NRAS: variants seen among roughly 807,000 people sequenced by gnomAD.
NRAS encodes the protein GTPase NRas.
A neutral mutation model predicts 21.3 loss-of-function variants in NRAS; 6 were observed. That is an observed-to-expected ratio of 0.28 (90% CI 0.15 to 0.56). NRAS has a LOEUF of 0.56. Among genes scored for constraint, NRAS ranks in the 20% least tolerant of loss-of-function variants. NRAS has a pLI of 0.93. For synonymous variants in NRAS, 84 were observed against 82.0 expected (o/e 1.02, Z -0.13); for missense variants, 143 against 231.3 (o/e 0.62, Z 2.48).
At chr1:114,711,917 C>T (rs1479910848) in intron 3 of NRAS, among the ~76,000 whole-genome samples, 1 of 152,174 alleles carries the variant, frequency 6.6e-6, no homozygotes, top group Non-Finnish European at 1.5e-5. Flanking sequence ...AGTCAAGGAA[C>T]TAATTTTTAA....
intron 3 of NRAS, among the ~76,000 whole-genome samples, chr1:114,713,598 C>A (rs1351018609): frequency 1.3e-5 from 2 of 152,190 alleles, no homozygotes; most frequent in Middle Eastern, 3.2e-3. Flanking sequence ...TATTATCAAA[C>A]TTTATAGTAA....
intron 3 of NRAS, among the ~76,000 whole-genome samples, chr1:114,710,553 GAGAA>G (rs1332249096): frequency 1.3e-5 from 2 of 151,552 alleles, no homozygotes; most frequent in African/African-American, 4.8e-5. Flanking sequence ...AAAAGAAAAA[GAGAA>G]AGAAAGTGAG....
intron 1 of NRAS, 145 bp from the exon 2 acceptor site, chr1:114,716,322 A>G: frequency 1.5e-6 from 1 of 688,958 alleles, no homozygotes; most frequent in South Asian, 1.5e-5. Context: ...CACCGGATTA[A>G]TATCGGCCTC....
rs9724626 is a variant in NRAS, at chr1:114,713,986, T to C, written c.112-8A>G. 3.9e-4 allele frequency: 529 copies of C among 1,340,490 alleles called. No homozygotes were observed. Among genetic ancestry groups the C allele is most frequent in the Non-Finnish European group, 5.1e-4 (499 of 977,102 alleles). The allele number at this position is 1,340,490 out of a possible 1,614,324, so 83.0% of individuals were successfully genotyped here. ...TTGTTTTCTGTAAGAATCCTGGGGG[T>C]GTGGAGGGTAAGGGGGCAGGGAGGG... On this transcript the variant is annotated splice_polypyrimidine_tract_variant and splice_region_variant and intron_variant, in intron 2 of 6. Transcript: ENST00000369535.
Position 114,704,920 on chromosome 1 carries a change from T to C in NRAS, c.*3174A>G, listed in dbSNP as rs1049487859. On this transcript the variant is annotated 3_prime_UTR_variant, in exon 7 of 7. Coordinates refer to ENST00000369535, the MANE Select transcript of NRAS (RefSeq NM_002524.5). Reference sequence around the variant, plus strand: ...AAGAAACAGCAAAGATGAAAAATAATGTACAAGAATTATAGTCCCTTGTTT... The same window carrying C: ...AAGAAACAGCAAAGATGAAAAATAACGTACAAGAATTATAGTCCCTTGTTT... 3.9e-5 allele frequency: 6 copies of C among 152,234 alleles called. No individual in the cohort carries two copies. Among genetic ancestry groups the C allele is most frequent in the African/African-American group, 1.4e-4 (6 of 41,454 alleles). The allele number at this position is 152,234 out of a possible 1,614,324, so 9.4% of individuals were successfully genotyped here. A position where few individuals can be genotyped will look rare whatever the true frequency, so the allele number is the denominator to read the frequency against.
intron 2 of NRAS, among the ~76,000 whole-genome samples, chr1:114,715,316 T>C (rs1020981544): frequency 2.0e-5 from 3 of 152,190 alleles, no homozygotes; most frequent in Non-Finnish European, 4.4e-5. Flanking sequence ...TGAGCCACCG[T>C]GTCCGGCAAA....
intron 1 of NRAS, 27 bp downstream of exon 1, chr1:114,716,631 C>A (rs1659179535): frequency 3.5e-6 from 1 of 282,908 alleles, no homozygotes; most frequent in Non-Finnish European, 7.0e-6. Flanking sequence ...AGCCCAAAGC[C>A]GAACACTATG....
intron 2 of NRAS, 86 bp from the exon 3 acceptor site, chr1:114,714,064 G>T: frequency 1.2e-6 from 1 of 840,456 alleles, no homozygotes; most frequent in Non-Finnish European, 1.9e-6. Context: ...CTATTGCCAA[G>T]GTTAAATAAG....
In NRAS at chr1:114,708,761, A is replaced by G. The variant is rs1311756608; in HGVS notation, c.451-107T>C. ...TCTCTTTATGTGGACATAAGATTCC[A>G]ATTACTAAACGAATAGCTGATAAAA... On this transcript the variant is annotated intron_variant, in intron 4 of 6. Coordinates refer to ENST00000369535, the MANE Select transcript of NRAS (RefSeq NM_002524.5). 9 of 1,001,368 alleles carry G rather than the reference A, an allele frequency of 9.0e-6. No homozygotes were observed. In the African/African-American group the frequency reaches 1.3e-4, roughly 15 times the overall value. The allele number at this position is 1,001,368 out of a possible 1,614,324, so 62.0% of individuals were successfully genotyped here.
In NRAS at chr1:114,713,786, A is replaced by G; in HGVS notation, c.290+14T>C. The G allele has an allele frequency of 6.2e-7, 1 of 1,603,688 alleles. No individual in the cohort carries two copies. The highest frequency in any genetic ancestry group is 8.5e-7 in the Non-Finnish European group (1 of 1,170,418). ...CAAAGATCATCCTTTCAGAGAAAATAATGCTCCTAGTACCTGTAGAGGTTA... is the reference window on the plus strand; with the variant it reads ...CAAAGATCATCCTTTCAGAGAAAATGATGCTCCTAGTACCTGTAGAGGTTA... On this transcript the variant is annotated intron_variant, in intron 3 of 6. Transcript: ENST00000369535.
At position 114,705,648 on chromosome 1, in the gene NRAS, T is replaced by G. The variant is rs1570867713; in HGVS notation, c.*2446A>C. On this transcript the variant is annotated 3_prime_UTR_variant, in exon 7 of 7. Coordinates refer to ENST00000369535, the MANE Select transcript of NRAS (RefSeq NM_002524.5). ...GTGTAACTTTTTTTTTGGAGACAAG[T>G]CTCTCTTGTCACCCAGGCTGGAGTG... 6.6e-6 allele frequency: 1 copy of G among 152,176 alleles called. No individual in the cohort carries two copies. The highest frequency in any genetic ancestry group is 6.5e-5 in the Admixed American group (1 of 15,282). The allele number at this position is 152,176 out of a possible 1,614,324, so 9.4% of individuals were successfully genotyped here.
At chr1:114,712,388 T>C (rs1027378381) in intron 3 of NRAS, among the ~76,000 whole-genome samples, 2 of 152,252 alleles carry the variant, frequency 1.3e-5, no homozygotes, top group Non-Finnish European at 2.9e-5. Context: ...TCATTAATCT[T>C]ATCTTGCTCT....
At chr1:114,708,970 T>C (rs1030587175) in intron 4 of NRAS, among the ~76,000 whole-genome samples, 18 of 152,224 alleles carry the variant, frequency 1.2e-4, no homozygotes, top group African/African-American at 4.3e-4. Flanking sequence ...GCTTAAGCCA[T>C]AAACGGGCTG....
At position 114,705,912 on chromosome 1, in the gene NRAS, G is replaced by C. The variant is rs1206924796; in HGVS notation, c.*2182C>G. On this transcript the variant is annotated 3_prime_UTR_variant, in exon 7 of 7. Transcript: ENST00000369535. ...ATACATACAAGGGCTATTGGCACAA[G>C]AGCCCAAGATGAGTAACTATCTTTC... The C allele has an allele frequency of 6.6e-6, 1 of 152,214 alleles. No homozygotes were observed. The highest frequency in any genetic ancestry group is 1.5e-5 in the Non-Finnish European group (1 of 68,036). The allele number at this position is 152,214 out of a possible 1,614,324, so 9.4% of individuals were successfully genotyped here. A position where few individuals can be genotyped will look rare whatever the true frequency, so the allele number is the denominator to read the frequency against.
rs1173277060 is a variant in NRAS, at chr1:114,705,251, A to T, written c.*2843T>A. ...CATGGGCCCACTAAAATAGAGATTAATTTTACCTATTACACTCCTATAGTA... is the reference window on the plus strand; with the variant it reads ...CATGGGCCCACTAAAATAGAGATTATTTTTACCTATTACACTCCTATAGTA... On this transcript the variant is annotated 3_prime_UTR_variant, in exon 7 of 7. Coordinates refer to ENST00000369535, the MANE Select transcript of NRAS (RefSeq NM_002524.5). 2 of 152,238 alleles carry T rather than the reference A, an allele frequency of 1.3e-5. No individual in the cohort carries two copies. Among genetic ancestry groups the T allele is most frequent in the Non-Finnish European group, 2.9e-5 (2 of 68,046 alleles). 9.4% of individuals were successfully genotyped at this position (152,238 alleles called of 1,614,324 possible).
chr1:114,716,248 A>C, intron 1 of NRAS, 71 bp from the exon 2 acceptor site: 5 of 906,138 alleles, frequency 5.5e-6, no homozygotes, highest in Non-Finnish European at 9.3e-6. Context: ...TCTATAATCA[A>C]TGGAAATGAA....
At chr1:114,714,709 A>G (rs900859525) in intron 2 of NRAS, among the ~76,000 whole-genome samples, 7 of 152,212 alleles carry the variant, frequency 4.6e-5, no homozygotes, top group Non-Finnish European at 1.0e-4. Flanking sequence ...CTACATGACT[A>G]TATAGAAACG....
rs767904293 is a variant in NRAS, at chr1:114,707,278, C to G, written c.*816G>C. ...GCCCCAAAACAGGCCTCTGGAAAAC[C>G]AATTTCATACATGTACAAAATGGCA... On this transcript the variant is annotated 3_prime_UTR_variant, in exon 7 of 7. Coordinates refer to ENST00000369535, the MANE Select transcript of NRAS (RefSeq NM_002524.5). 6.6e-6 allele frequency: 1 copy of G among 152,496 alleles called. No individual in the cohort carries two copies. The highest frequency in any genetic ancestry group is 1.5e-5 in the Non-Finnish European group (1 of 68,028). The allele number at this position is 152,496 out of a possible 1,614,324, so 9.4% of individuals were successfully genotyped here.
intron 3 of NRAS, among the ~76,000 whole-genome samples, chr1:114,711,267 C>T (rs1168241877): frequency 6.6e-6 from 1 of 152,122 alleles, no homozygotes; most frequent in Non-Finnish European, 1.5e-5. Context: ...TGCCACCGCA[C>T]TCTGGCTTGG....
Sources: allele counts gnomAD v4.1 joint callset (sites outside exome capture counted in the v4.1 genomes callset), GRCh38; gene constraint gnomAD v4.1.1; transcripts MANE v1.5; gene names NCBI Gene and HGNC (gene_info 2026-07-23, HGNC 2026-07-21).